Variants in LPAR1 observed in about 807,000 individuals in gnomAD.
The protein encoded by LPAR1 is LPA receptor 1.
Under a neutral mutation model 23.8 loss-of-function variants are expected in LPAR1, and 5 were observed. The ratio of observed to expected loss-of-function variants is 0.21; its 90% CI spans 0.11 to 0.44. The LOEUF (loss-of-function observed/expected upper bound fraction) is 0.44. Ranked by LOEUF, LPAR1 falls within the 20% of genes least tolerant of loss-of-function variation. The pLI, the probability that LPAR1 is intolerant of heterozygous loss-of-function variation, is 0.99. For missense variants in LPAR1, 311 were observed against 482.8 expected (o/e 0.64, Z 3.33); for synonymous variants, 160 against 164.7 (o/e 0.97, Z 0.22).
intron 2 of LPAR1, among the ~76,000 whole-genome samples, chr9:110,978,329 A>C (rs1258590769): frequency 6.6e-6 from 1 of 152,200 alleles, no homozygotes; most frequent in Non-Finnish European, 1.5e-5. Flanking sequence ...GCAAAAGATA[A>C]AACAGACTTC....
chr9:110,921,416 G>A (rs550501174), intron 5 of LPAR1, among the ~76,000 whole-genome samples: 5 of 152,194 alleles, frequency 3.3e-5, no homozygotes, highest in East Asian at 3.9e-4. Context: ...AGTAAATTAC[G>A]AAATTACTGT....
intron 2 of LPAR1, among the ~76,000 whole-genome samples, chr9:111,019,427 G>C (rs1475007583): frequency 6.6e-6 from 1 of 152,132 alleles, no homozygotes; most frequent in Non-Finnish European, 1.5e-5. Flanking sequence ...TTTACTCACT[G>C]AGTCATTCTG....
intron 2 of LPAR1, among the ~76,000 whole-genome samples, chr9:111,027,333 T>A (rs1588933158): frequency 6.6e-6 from 1 of 151,696 alleles, no homozygotes; most frequent in Non-Finnish European, 1.5e-5. Flanking sequence ...ACCCAAAAAA[T>A]AAATAAATAA....
chr9:110,893,672 C>T (rs1237732656), intron 5 of LPAR1, among the ~76,000 whole-genome samples: 1 of 152,112 alleles, frequency 6.6e-6, no homozygotes, highest in East Asian at 1.9e-4. Flanking sequence ...TTTTTCTAAG[C>T]CTGTCCAGGA....
At chr9:111,011,863 T>C (rs2140629201) in intron 2 of LPAR1, among the ~76,000 whole-genome samples, 1 of 152,272 alleles carries the variant, frequency 6.6e-6, no homozygotes, top group East Asian at 1.9e-4. Context: ...CTTTGAAAAA[T>C]GCTGCTACCG....
intron 5 of LPAR1, among the ~76,000 whole-genome samples, chr9:110,889,606 C>A (rs1403232323): frequency 6.6e-6 from 1 of 152,168 alleles, no homozygotes; most frequent in East Asian, 1.9e-4. Context: ...ATTTTTGTCA[C>A]AAATCATTAC....
rs1452581127 is a variant in LPAR1 at position 110,873,730 on chromosome 9, T to C, written c.*1691A>G. 6.6e-6 allele frequency: 1 copy of C among 152,218 alleles called. No individual in the cohort carries two copies. The highest frequency in any genetic ancestry group is 1.5e-5 in the Non-Finnish European group (1 of 68,044). The allele number at this position is 152,218 out of a possible 1,614,324, so 9.4% of individuals were successfully genotyped here. Reference sequence around the variant, plus strand: ...GGCGAATACACAGTAACCAACCACATACTGACACACTCAACCCATTTGCTA... The same window carrying C: ...GGCGAATACACAGTAACCAACCACACACTGACACACTCAACCCATTTGCTA... On this transcript the variant is annotated 3_prime_UTR_variant, in exon 6 of 6. Coordinates refer to ENST00000683809, the MANE Select transcript of LPAR1 (RefSeq NM_001351411.2).
intron 4 of LPAR1, among the ~76,000 whole-genome samples, chr9:110,970,018 C>T (rs1172417961): frequency 2.6e-5 from 4 of 152,134 alleles, no homozygotes; most frequent in Non-Finnish European, 5.9e-5. Flanking sequence ...AGAGAATTTA[C>T]GAGAGTACAC....
intron 5 of LPAR1, among the ~76,000 whole-genome samples, chr9:110,893,081 G>T (rs1325029389): frequency 6.6e-6 from 1 of 152,108 alleles, no homozygotes; most frequent in Non-Finnish European, 1.5e-5. Flanking sequence ...GTAGCACAGT[G>T]GGAAAGATTT....
At chr9:110,915,859 G>A (rs1401574206) in intron 5 of LPAR1, among the ~76,000 whole-genome samples, 2 of 152,136 alleles carry the variant, frequency 1.3e-5, no homozygotes, top group African/African-American at 2.4e-5. Flanking sequence ...TTGAACGAGT[G>A]TGCCTTCTTT....
At chr9:110,957,350 A>T (rs113316504) in intron 4 of LPAR1, among the ~76,000 whole-genome samples, 5,768 of 147,810 alleles carry the variant, frequency 0.039, 135 homozygotes, top group South Asian at 0.055. Context: ...AAAAAAAAAA[A>T]AATAATAATA....
Position 111,031,395 on chromosome 9 carries a change from AAAAAAAAAAAAG to A in LPAR1, c.-182+4715_-182+4726del, listed in dbSNP as rs1403214998. ...AATGTAGTGAGAGCCCATTTCTTTAAAAAAAAAAAAAGAAAAAAAAAAAGAAAAGAAAAAGAA... is the reference window on the plus strand; with the variant it reads ...AATGTAGTGAGAGCCCATTTCTTTAAAAAAAAAAAAAGAAAAGAAAAAGAA... On this transcript the variant is annotated intron_variant, in intron 2 of 5. Coordinates refer to ENST00000683809, the MANE Select transcript of LPAR1 (RefSeq NM_001351411.2). Among the ~76,000 whole-genome samples the A allele has an allele frequency of 9.7e-4, 143 of 147,314 alleles. 1 individual carries two copies. Among genetic ancestry groups the A allele is most frequent in the African/African-American group, 3.2e-3 (126 of 39,764 alleles).
At chr9:110,995,498 T>C (rs951330592) in intron 2 of LPAR1, among the ~76,000 whole-genome samples, 2 of 152,172 alleles carry the variant, frequency 1.3e-5, no homozygotes, top group Non-Finnish European at 2.9e-5. Context: ...TTCTTCCTCA[T>C]TGAAAACCCT....
intron 2 of LPAR1, among the ~76,000 whole-genome samples, chr9:111,016,730 G>T (rs1201529552): frequency 6.6e-6 from 1 of 152,156 alleles, no homozygotes; most frequent in South Asian, 2.1e-4. Flanking sequence ...ATATTCATAG[G>T]AAACATCCTG....
intron 5 of LPAR1, among the ~76,000 whole-genome samples, chr9:110,883,896 TG>T (rs2081577732): frequency 6.6e-6 from 1 of 152,172 alleles, no homozygotes; most frequent in South Asian, 2.1e-4. Flanking sequence ...CATACCTAGG[TG>T]GCACATTGTT....
chr9:110,889,725 A>C (rs1228955608), intron 5 of LPAR1, among the ~76,000 whole-genome samples: 3 of 152,236 alleles, frequency 2.0e-5, no homozygotes, highest in Admixed American at 2.0e-4. Context: ...TTGCTGTACA[A>C]ATAGCATATT....
At chr9:110,918,885 G>A (rs959569945) in intron 5 of LPAR1, among the ~76,000 whole-genome samples, 2 of 151,800 alleles carry the variant, frequency 1.3e-5, no homozygotes, top group African/African-American at 2.4e-5. Context: ...TTGAAAAGCT[G>A]GTTTTTTTTT....
chr9:110,881,863 C>T, intron 5 of LPAR1, among the ~76,000 whole-genome samples: 1 of 152,190 alleles, frequency 6.6e-6, no homozygotes, highest in East Asian at 1.9e-4. Flanking sequence ...ATCCTTACTG[C>T]TATCCATAAT....
At chr9:111,000,007 C>T (rs999131077) in intron 2 of LPAR1, among the ~76,000 whole-genome samples, 1 of 152,084 alleles carries the variant, frequency 6.6e-6, no homozygotes, top group Non-Finnish European at 1.5e-5. Context: ...GTCAACACAC[C>T]GACTGTAGGG....
Sources: allele counts gnomAD v4.1 joint callset (sites outside exome capture counted in the v4.1 genomes callset), GRCh38; gene constraint gnomAD v4.1.1; transcripts MANE v1.5; gene names NCBI Gene and HGNC (gene_info 2026-07-23, HGNC 2026-07-21).